The following FMNL2 variants were observed in gnomAD, a reference collection of about 807,000 sequenced individuals.
The protein encoded by FMNL2 is formin like 2.
In FMNL2, 51 loss-of-function variants were observed where a neutral mutation model predicts 130.2. The ratio of observed to expected loss-of-function variants is 0.39; its 90% CI spans 0.31 to 0.49. FMNL2 has a LOEUF of 0.49. Ranked by LOEUF, FMNL2 falls within the 20% of genes least tolerant of loss-of-function variation. The pLI, the probability that FMNL2 is intolerant of heterozygous loss-of-function variation, is 0.85. For synonymous variants in FMNL2, 465 were observed against 467.1 expected, an observed-to-expected ratio of 1.00 and a Z score of 0.06; for missense variants, 977 against 1,316.2, an observed-to-expected ratio of 0.74 and a Z score of 3.99.
At chr2:152,497,962 A>C (rs939390254) in intron 1 of FMNL2, among the ~76,000 whole-genome samples, 1 of 152,172 alleles carries the variant, frequency 6.6e-6, no homozygotes, top group Non-Finnish European at 1.5e-5. Context: ...AGCTGCCCAC[A>C]TGACCTCTCC....
intron 2 of FMNL2, 77 bp downstream of exon 2, chr2:152,522,103 A>G (rs1360098638): frequency 1.2e-5 from 14 of 1,180,240 alleles, no homozygotes; most frequent in Non-Finnish European, 1.6e-5. Flanking sequence ...TGGTATGTCA[A>G]TATCATGATT....
chr2:152,348,109 C>G (rs1482989026), intron 1 of FMNL2, among the ~76,000 whole-genome samples: 1 of 152,098 alleles, frequency 6.6e-6, no homozygotes, highest in Non-Finnish European at 1.5e-5. Context: ...TCCGAGGGTC[C>G]TTACAGACCC....
chr2:152,434,639 C>A (rs1023952250), intron 1 of FMNL2, among the ~76,000 whole-genome samples: 1 of 151,908 alleles, frequency 6.6e-6, no homozygotes, highest in Non-Finnish European at 1.5e-5. Context: ...AGGGCCCCTG[C>A]AGAACACAGC....
At chr2:152,567,061 T>A (rs1052665424) in intron 6 of FMNL2, among the ~76,000 whole-genome samples, 1 of 152,178 alleles carries the variant, frequency 6.6e-6, no homozygotes, top group African/African-American at 2.4e-5. Context: ...GGCAGTGATT[T>A]TGTTGGTTTT....
At chr2:152,627,582 C>G (rs1681879604) in intron 17 of FMNL2, among the ~76,000 whole-genome samples, 1 of 152,178 alleles carries the variant, frequency 6.6e-6, no homozygotes, top group Non-Finnish European at 1.5e-5. Context: ...TCATTGAATC[C>G]TGAAGTGCAG....
chr2:152,629,379 A>T (rs1422972586), intron 18 of FMNL2, among the ~76,000 whole-genome samples: 1 of 152,170 alleles, frequency 6.6e-6, no homozygotes, highest in African/African-American at 2.4e-5. Context: ...TCTGAGTCTT[A>T]GTGGTTGTAG....
At chr2:152,600,550 T>A (rs1697995957) in intron 9 of FMNL2, among the ~76,000 whole-genome samples, 1 of 152,050 alleles carries the variant, frequency 6.6e-6, no homozygotes, top group Non-Finnish European at 1.5e-5. Context: ...TACCCAAGGT[T>A]TTTGTAAAAC....
chr2:152,576,415 A>G (rs900420453), intron 7 of FMNL2, among the ~76,000 whole-genome samples: 35 of 152,306 alleles, frequency 2.3e-4, no homozygotes, highest in African/African-American at 8.2e-4. Flanking sequence ...ATGAAATGAA[A>G]GCTAATGCTT....
intron 1 of FMNL2, among the ~76,000 whole-genome samples, chr2:152,360,316 T>G (rs1683087924): frequency 6.6e-6 from 1 of 152,136 alleles, no homozygotes; most frequent in South Asian, 2.1e-4. Flanking sequence ...TTTTTCTTTC[T>G]TCTTTTCCTC....
intron 1 of FMNL2, among the ~76,000 whole-genome samples, chr2:152,397,263 C>T (rs1685446141): frequency 6.6e-6 from 1 of 151,918 alleles, no homozygotes; most frequent in Non-Finnish European, 1.5e-5. Context: ...AAGTCCCAAG[C>T]ACAGATGGTT....
intron 3 of FMNL2, among the ~76,000 whole-genome samples, chr2:152,547,969 G>T (rs1481420399): frequency 6.6e-6 from 1 of 152,202 alleles, no homozygotes; most frequent in African/African-American, 2.4e-5. Context: ...GATGTGCAAT[G>T]TAGCCCATTG....
intron 1 of FMNL2, among the ~76,000 whole-genome samples, chr2:152,366,292 G>T (rs1415778010): frequency 9.0e-6 from 1 of 111,196 alleles, no homozygotes; most frequent in Non-Finnish European, 1.8e-5. Context: ...CTGTTGTGGG[G>T]TGGGGGGAGG....
intron 10 of FMNL2, among the ~76,000 whole-genome samples, chr2:152,608,372 G>C (rs3080600): frequency 4.2e-5 from 1 of 24,064 alleles, no homozygotes; most frequent in African/African-American, 1.2e-4. Context: ...AAAAAAAAAA[G>C]AAAAAAAAAA....
intron 9 of FMNL2, among the ~76,000 whole-genome samples, chr2:152,591,305 G>A (rs910654908): frequency 2.0e-5 from 3 of 151,944 alleles, no homozygotes; most frequent in South Asian, 2.1e-4. Flanking sequence ...CACTGCGCCC[G>A]GCCTCCCTCT....
chr2:152,550,912 T>G (rs1472497717), intron 4 of FMNL2, among the ~76,000 whole-genome samples: 1 of 152,002 alleles, frequency 6.6e-6, no homozygotes, highest in Non-Finnish European at 1.5e-5. Context: ...CTGAGGTGGG[T>G]GGATCACCTG....
At chr2:152,371,668 C>CAAAAAA (rs71394476) in intron 1 of FMNL2, among the ~76,000 whole-genome samples, 1 of 66,218 alleles carries the variant, frequency 1.5e-5, no homozygotes, top group Non-Finnish European at 3.0e-5. Flanking sequence ...GACTCTGTCT[C>CAAAAAA]AAAAAAAAAA....
At chr2:152,593,226 A>T (rs1172049540) in intron 9 of FMNL2, among the ~76,000 whole-genome samples, 1 of 152,124 alleles carries the variant, frequency 6.6e-6, no homozygotes, top group Non-Finnish European at 1.5e-5. Context: ...GAGAGACTGG[A>T]AACCTGTGAT....
chr2:152,567,300 C>G (rs939229132), intron 6 of FMNL2, among the ~76,000 whole-genome samples: 3 of 152,164 alleles, frequency 2.0e-5, no homozygotes, highest in Non-Finnish European at 2.9e-5. Context: ...TTCATTTGCT[C>G]CATTCAAAAA....
At chr2:152,433,246 A>T (rs943755572) in intron 1 of FMNL2, among the ~76,000 whole-genome samples, 1 of 152,194 alleles carries the variant, frequency 6.6e-6, no homozygotes, top group Non-Finnish European at 1.5e-5. Flanking sequence ...AAAGAATATG[A>T]GAATAATTTT....
Sources: gnomAD v4.1 joint callset for allele counts (sites outside exome capture counted in the v4.1 genomes callset) on GRCh38, gnomAD v4.1.1 for gene constraint, MANE v1.5 for transcripts, NCBI Gene and HGNC (gene_info 2026-07-23, HGNC 2026-07-21) for gene names.